BICRA: variants seen among roughly 807,000 people sequenced by gnomAD.
BICRA encodes BRD4 interacting chromatin remodeling complex associated protein.
A neutral mutation model predicts 96.9 loss-of-function variants in BICRA; 31 were observed. The ratio of observed to expected loss-of-function variants is 0.32; its 90% CI spans 0.24 to 0.43. The LOEUF (loss-of-function observed/expected upper bound fraction) is 0.43. Among genes scored for constraint, BICRA ranks in the 20% least tolerant of loss-of-function variants. The pLI is 1.00. For missense variants in BICRA, 2,283 were observed against 2,190.3 expected (o/e 1.04, Z -0.84); for synonymous variants, 1,350 against 1,071.8 (o/e 1.26, Z -5.07).
chr19:47,680,289 C>G lies in BICRA; in HGVS notation c.1119C>G (p.Pro373=). Residue 373 remains proline (P), a synonymous_variant, in exon 6 of 15, where the codon CCC becomes CCG. Transcript: ENST00000594866. ...AGCTGACGCCCAAGCCGTTTGCGCC[C>G]GCGGGCGCCACGCTCACCATCCAGG... ...LYQLTPKPFA[P]AGATLTIQGE... 1.3e-6 allele frequency: 2 copies of G among 1,556,536 alleles called. No homozygotes were observed. Among genetic ancestry groups the G allele is most frequent in the Non-Finnish European group, 1.7e-6 (2 of 1,159,908 alleles).
Position 47,699,502 on chromosome 19 carries a change from C to T in BICRA, c.3595+97C>T. 2.8e-6 allele frequency: 2 copies of T among 724,918 alleles called. No homozygotes were observed. The highest frequency in any genetic ancestry group is 1.6e-5 in the South Asian group (1 of 62,128). 44.9% of individuals were successfully genotyped at this position (724,918 alleles called of 1,614,324 possible). Reference sequence around the variant, plus strand: ...CAGGGCGGGGAGTGGGTGTGTGGCCCTACCTCACTCCACCACTAGGCGGTG... The same window carrying T: ...CAGGGCGGGGAGTGGGTGTGTGGCCTTACCTCACTCCACCACTAGGCGGTG... On this transcript the variant is annotated intron_variant, in intron 14 of 14. Transcript: ENST00000594866. This position sits in a 1 kb window ranked among gnomAD's most constrained non-coding sequence, Gnocchi z 5.0.
chr19:47,637,270 C>A (rs1972313679), intron 1 of BICRA, among the ~76,000 whole-genome samples: 1 of 151,886 alleles, frequency 6.6e-6, no homozygotes. Context: ...CAGGCGCCCG[C>A]CACCACACCC....
chr19:47,684,449 T>A (rs1904639553), intron 7 of BICRA, among the ~76,000 whole-genome samples: 1 of 152,160 alleles, frequency 6.6e-6, no homozygotes, highest in Non-Finnish European at 1.5e-5. Flanking sequence ...CCCAAATTGC[T>A]GGGATTTACA....
chr19:47,699,700 G>A lies in BICRA; in HGVS notation c.3595+295G>A, dbSNP rs1229177033. ...TGGGACACAAAACAGGAGAGCAGGCGCCTAGGTTGCAAAATATATAAGGTA... is the reference window on the plus strand; with the variant it reads ...TGGGACACAAAACAGGAGAGCAGGCACCTAGGTTGCAAAATATATAAGGTA... On this transcript the variant is annotated intron_variant, in intron 14 of 14. Transcript: ENST00000594866. This position sits in a 1 kb window ranked among gnomAD's most constrained non-coding sequence, Gnocchi z 5.0. Among the ~76,000 whole-genome samples the A allele has an allele frequency of 6.6e-6, 1 of 152,182 alleles. No homozygotes were observed. Among genetic ancestry groups the A allele is most frequent in the East Asian group, 1.9e-4 (1 of 5,196 alleles).
chr19:47,638,377 G>A (rs1972332203), intron 1 of BICRA, among the ~76,000 whole-genome samples: 1 of 152,150 alleles, frequency 6.6e-6, no homozygotes, highest in African/African-American at 2.4e-5. Context: ...TAAAAATTGT[G>A]TGCATTTATT....
chr19:47,702,569 C>T lies in BICRA; in HGVS notation c.*154C>T. ...GTCACAAAGGCCTCCTTCCCTGCCG[C>T]CTGCTTCAGCTGGGTTGCTGGGGGG... On this transcript the variant is annotated 3_prime_UTR_variant, in exon 15 of 15. Coordinates refer to ENST00000594866, the MANE Select transcript of BICRA (RefSeq NM_001394372.1). 1 of 876,336 alleles carries T rather than the reference C, an allele frequency of 1.1e-6. No individual in the cohort carries two copies. The highest frequency in any genetic ancestry group is 1.6e-6 in the Non-Finnish European group (1 of 619,976). The allele number at this position is 876,336 out of a possible 1,614,324, so 54.3% of individuals were successfully genotyped here. A position where few individuals can be genotyped will look rare whatever the true frequency, so the allele number is the denominator to read the frequency against.
At chr19:47,669,856 CCGG>C (rs1972837352) in intron 1 of BICRA, among the ~76,000 whole-genome samples, 1 of 151,916 alleles carries the variant, frequency 6.6e-6, no homozygotes, top group Non-Finnish European at 1.5e-5. Flanking sequence ...CCGGGTTTCA[CCGG>C]GTTAGCCAGG....
chr19:47,695,113 A>G, intron 9 of BICRA, 33 bp downstream of exon 9: 1 of 1,404,660 alleles, frequency 7.1e-7, no homozygotes, highest in Middle Eastern at 2.5e-4. Flanking sequence ...GCCCAGGGAG[A>G]CGGGGCCTGA....
intron 5 of BICRA, chr19:47,679,103 C>T (rs1972985554): frequency 2.5e-6 from 1 of 406,360 alleles, no homozygotes. Flanking sequence ...CACTGCGTTG[C>T]CCAGGCTGGT....
rs2123606190 is a variant in BICRA at position 47,694,372 on chromosome 19, C to G, written c.2541C>G (p.Ala847=). 7.7e-7 allele frequency: 1 copy of G among 1,301,302 alleles called. No individual in the cohort carries two copies. The highest frequency in any genetic ancestry group is 1.5e-5 in the African/African-American group (1 of 67,144). 80.6% of individuals were successfully genotyped at this position (1,301,302 alleles called of 1,614,324 possible). ...IQNQLGVPPP[A]SNPAPTAPGP... is the part of the protein sequence containing the mutation. ...ACCAGCTAGGCGTTCCCCCGCCTGC[C>G]AGCAACCCGGCCCCTACTGCCCCAG... is the stretch of plus-strand genomic sequence containing the variant. Residue 847 remains alanine, a synonymous_variant, in exon 8 of 15, where the codon GCC becomes GCG. Coordinates refer to ENST00000594866, the MANE Select transcript of BICRA (RefSeq NM_001394372.1).
intron 1 of BICRA, among the ~76,000 whole-genome samples, chr19:47,664,546 G>A (rs1972747522): frequency 6.6e-6 from 1 of 152,154 alleles, no homozygotes; most frequent in South Asian, 2.1e-4. Flanking sequence ...TCCTTTTCCT[G>A]TAAGATGTGC....
At chr19:47,686,465 C>A (rs144610868) in intron 7 of BICRA, among the ~76,000 whole-genome samples, 2,161 of 152,076 alleles carry the variant, frequency 0.014, 48 homozygotes, top group African/African-American at 0.049. Context: ...CTCACTGCAA[C>A]CTCCACCTCC....
intron 7 of BICRA, among the ~76,000 whole-genome samples, chr19:47,693,560 C>T (rs376005656): frequency 4.7e-4 from 72 of 152,354 alleles, no homozygotes; most frequent in African/African-American, 1.5e-3. Context: ...CGGCAGCCCC[C>T]GTGCCGTGGC....
intron 1 of BICRA, among the ~76,000 whole-genome samples, chr19:47,647,622 T>C (rs1342953556): frequency 6.6e-6 from 1 of 152,084 alleles, no homozygotes; most frequent in Admixed American, 6.6e-5. Flanking sequence ...CCTTGGCACG[T>C]GTGTGTGGCC....
At chr19:47,641,395 A>G (rs1972384229) in intron 1 of BICRA, among the ~76,000 whole-genome samples, 1 of 152,086 alleles carries the variant, frequency 6.6e-6, no homozygotes, top group Non-Finnish European at 1.5e-5. Flanking sequence ...TTTGTAATCA[A>G]TCCTCCCTAC....
chr19:47,610,077 G>A (rs1971877945), intron 1 of BICRA, among the ~76,000 whole-genome samples: 1 of 152,206 alleles, frequency 6.6e-6, no homozygotes, highest in Non-Finnish European at 1.5e-5. Flanking sequence ...CACCGCGCTC[G>A]GGTGGTGACC....
intron 5 of BICRA, among the ~76,000 whole-genome samples, chr19:47,676,484 C>T (rs1300945989): frequency 6.6e-6 from 1 of 152,018 alleles, no homozygotes; most frequent in Non-Finnish European, 1.5e-5. Flanking sequence ...TTGTCCACAC[C>T]ACGGTGGCCA....
Position 47,702,706 on chromosome 19 carries a change from C to T in BICRA, c.*291C>T, listed in dbSNP as rs936058177. The T allele has an allele frequency of 2.0e-5, 9 of 458,392 alleles. No individual in the cohort carries two copies. Among genetic ancestry groups the T allele is most frequent in the East Asian group, 1.7e-4 (4 of 23,236 alleles). The allele number at this position is 458,392 out of a possible 1,614,324, so 28.4% of individuals were successfully genotyped here. On this transcript the variant is annotated 3_prime_UTR_variant, in exon 15 of 15. Transcript: ENST00000594866. ...TCCCATTTCCTGGCACACTCTGCCCCTCTGTCCGGGGGACACGCGCATGTG... is the reference window on the plus strand; with the variant it reads ...TCCCATTTCCTGGCACACTCTGCCCTTCTGTCCGGGGGACACGCGCATGTG...
At chr19:47,631,747 C>G (rs1236925568) in intron 1 of BICRA, among the ~76,000 whole-genome samples, 1 of 152,126 alleles carries the variant, frequency 6.6e-6, no homozygotes, top group African/African-American at 2.4e-5. Flanking sequence ...CTCTTGGGTT[C>G]AAGCAATTCT....
Sources: allele counts gnomAD v4.1 joint callset (sites outside exome capture counted in the v4.1 genomes callset), GRCh38; gene constraint gnomAD v4.1.1; non-coding constraint Gnocchi (gnomAD v3.1); transcripts MANE v1.5; gene names NCBI Gene and HGNC (gene_info 2026-07-23, HGNC 2026-07-21).